The following DIP2C variants were observed in gnomAD, a reference collection of about 807,000 sequenced individuals.
DIP2C encodes DIP2 acetate--CoA ligase C (putative).
A neutral mutation model predicts 192.4 loss-of-function variants in DIP2C; 33 were observed. The ratio of observed to expected loss-of-function variants is 0.17; its 90% confidence interval spans 0.13 to 0.23. DIP2C has a LOEUF of 0.23. Ranked by LOEUF, DIP2C falls within the 10% of genes least tolerant of loss-of-function variation. The pLI, the probability that DIP2C is intolerant of heterozygous loss-of-function variation, is 1.00. For synonymous variants in DIP2C, 979 were observed against 864.1 expected (o/e 1.13, Z -2.33); for missense variants, 1,537 against 2,110.1 (o/e 0.73, Z 5.32).
intron 1 of DIP2C, among the ~76,000 whole-genome samples, chr10:538,470 A>AT (rs767046737): frequency 6.6e-6 from 1 of 152,090 alleles, no homozygotes; most frequent in Non-Finnish European, 1.5e-5. Flanking sequence ...TCTCCTGAAG[A>AT]TTTTCATCAT....
intron 1 of DIP2C, among the ~76,000 whole-genome samples, chr10:592,041 T>C (rs1588542548): frequency 6.6e-6 from 1 of 152,318 alleles, no homozygotes; most frequent in Non-Finnish European, 1.5e-5. Flanking sequence ...TGGTAGGGCA[T>C]GAGGGAGACA....
chr10:283,056 G>A (rs1281364534), intron 35 of DIP2C, among the ~76,000 whole-genome samples: 1 of 152,262 alleles, frequency 6.6e-6, no homozygotes, highest in Admixed American at 6.5e-5. Context: ...TCTCAGGACA[G>A]GACAGGGTAT....
intron 1 of DIP2C, among the ~76,000 whole-genome samples, chr10:606,075 C>A (rs1290448954): frequency 6.6e-6 from 1 of 152,368 alleles, no homozygotes; most frequent in East Asian, 1.9e-4. Flanking sequence ...CCGGAGCCTG[C>A]GCAGCGTGGA....
intron 10 of DIP2C, among the ~76,000 whole-genome samples, chr10:398,735 G>A (rs932226984): frequency 2.6e-5 from 4 of 152,034 alleles, no homozygotes; most frequent in African/African-American, 9.7e-5. Context: ...CAAATCATAG[G>A]TCAACCTTGG....
At chr10:286,809 T>C (rs539410418) in intron 33 of DIP2C, among the ~76,000 whole-genome samples, 88 of 152,270 alleles carry the variant, frequency 5.8e-4, no homozygotes, top group Non-Finnish European at 5.1e-4. Flanking sequence ...GGATGGAGGG[T>C]GATGCTTGCA....
chr10:537,918 C>T (rs993842146), intron 1 of DIP2C, among the ~76,000 whole-genome samples: 1 of 151,908 alleles, frequency 6.6e-6, no homozygotes, highest in African/African-American at 2.4e-5. Context: ...GCCTCCCAAG[C>T]AGCCTGGATT....
At chr10:526,160 A>G (rs954000178) in intron 1 of DIP2C, among the ~76,000 whole-genome samples, 4 of 152,208 alleles carry the variant, frequency 2.6e-5, no homozygotes, top group African/African-American at 9.7e-5. Context: ...CGGGGCTCAC[A>G]TCAGCAGACA....
chr10:487,188 C>A (rs1171220806), intron 1 of DIP2C, among the ~76,000 whole-genome samples: 1 of 152,062 alleles, frequency 6.6e-6, no homozygotes, highest in East Asian at 1.9e-4. Context: ...AAAGCCACCT[C>A]ATCGACACAC....
In DIP2C at chr10:283,361, C is replaced by T; in HGVS notation, c.4205G>A (p.Arg1402Lys). 21 of 1,614,162 alleles carry T rather than the reference C, an allele frequency of 1.3e-5. No homozygotes were observed. Among genetic ancestry groups the T allele is most frequent in the East Asian group, 2.2e-5 (1 of 44,888 alleles). ...GGTCTGGGTGTCTCCAAAACTTAGTCTTGAGTTGAAGTGATCTGACTGGAG... is the reference window on the plus strand; with the variant it reads ...GGTCTGGGTGTCTCCAAAACTTAGTTTTGAGTTGAAGTGATCTGACTGGAG... Reference protein sequence around the residue: ...ESLQSDHFNSRLSFGDTQTIW... With the variant: ...ESLQSDHFNSKLSFGDTQTIW... The change falls in exon 35 of 37, where the codon AGA (arginine) becomes AAA (lysine). Residue 1402 changes from arginine to lysine, a missense_variant. Physicochemically the swap from Arg to Lys is conservative, Grantham distance 26. Around this residue, in one of 4 missense-constraint regions of DIP2C, gnomAD observed 341 missense variants for 551.7 expected, o/e 0.62. Transcript: ENST00000280886.
intron 21 of DIP2C, 85 bp from the exon 22 acceptor site, chr10:362,776 T>C: frequency 7.1e-7 from 1 of 1,401,658 alleles, no homozygotes; most frequent in Non-Finnish European, 9.7e-7. Flanking sequence ...TGATCCACAA[T>C]ACACAGAAGT....
intron 6 of DIP2C, among the ~76,000 whole-genome samples, chr10:417,357 G>A (rs1401758945): frequency 6.6e-6 from 1 of 152,074 alleles, no homozygotes; most frequent in Non-Finnish European, 1.5e-5. Context: ...GGGGAACAAA[G>A]GCAAAGGTAC....
intron 10 of DIP2C, among the ~76,000 whole-genome samples, chr10:395,861 G>A (rs1017631297): frequency 1.3e-5 from 2 of 152,172 alleles, no homozygotes; most frequent in Non-Finnish European, 1.5e-5. Context: ...TAAGTCCCCA[G>A]GGACCTCCCA....
intron 1 of DIP2C, among the ~76,000 whole-genome samples, chr10:586,670 G>A (rs1478898273): frequency 6.6e-6 from 1 of 152,154 alleles, no homozygotes; most frequent in Non-Finnish European, 1.5e-5. Flanking sequence ...CTTTCACTGG[G>A]AAAAACACCA....
At chr10:563,623 A>T (rs1196061632) in intron 1 of DIP2C, among the ~76,000 whole-genome samples, 1 of 152,366 alleles carries the variant, frequency 6.6e-6, no homozygotes. Context: ...AAAATGAAAA[A>T]GAAACCAAAG....
At chr10:615,413 G>A (rs903355423) in intron 1 of DIP2C, among the ~76,000 whole-genome samples, 2 of 152,132 alleles carry the variant, frequency 1.3e-5, no homozygotes, top group African/African-American at 4.8e-5. Context: ...TGACTATGAG[G>A]TCTGGCTTCC....
chr10:569,598 CTTT>C (rs10571484), intron 1 of DIP2C, among the ~76,000 whole-genome samples: 12,295 of 152,050 alleles, frequency 0.081, 715 homozygotes, highest in East Asian at 0.18. Flanking sequence ...GTTTTATATT[CTTT>C]TTTAAAAAAA....
At chr10:378,078 G>A (rs557525779) in intron 17 of DIP2C, among the ~76,000 whole-genome samples, 31 of 152,180 alleles carry the variant, frequency 2.0e-4, no homozygotes, top group Admixed American at 3.3e-4. Context: ...CCTGGTTTTC[G>A]CCTTGCAATT....
At chr10:564,705 A>G (rs1373270100) in intron 1 of DIP2C, among the ~76,000 whole-genome samples, 1 of 152,172 alleles carries the variant, frequency 6.6e-6, no homozygotes, top group Non-Finnish European at 1.5e-5. Flanking sequence ...AATATGCCCG[A>G]AGCATTCAGC....
chr10:344,728 TGA>T, intron 28 of DIP2C, 79 bp downstream of exon 28: 1 of 1,202,368 alleles, frequency 8.3e-7, no homozygotes, highest in Non-Finnish European at 1.2e-6. Context: ...CGAGAGGCGC[TGA>T]GAGCCAGCAC....
Sources: allele counts gnomAD v4.1 joint callset (sites outside exome capture counted in the v4.1 genomes callset), GRCh38; gene constraint gnomAD v4.1.1; regional missense constraint gnomAD v4.1.1; transcripts MANE v1.5; gene names NCBI Gene and HGNC (gene_info 2026-07-23, HGNC 2026-07-21).